The following CADM2 variants were observed in gnomAD, a reference collection of about 807,000 sequenced individuals.
The protein encoded by CADM2 is cell adhesion molecule 2, also known as immunoglobulin superfamily member 4D.
Under a neutral mutation model 49.8 loss-of-function variants are expected in CADM2, and 12 were observed. The observed-to-expected ratio is 0.24, with a 90% CI of 0.15 to 0.39. The LOEUF (loss-of-function observed/expected upper bound fraction) is 0.39. Ranked by LOEUF, CADM2 falls within the 10% of genes least tolerant of loss-of-function variation. The pLI is 1.00. For missense variants in CADM2, 378 were observed against 492.3 expected (o/e 0.77, Z 2.20); for synonymous variants, 214 against 175.4 (o/e 1.22, Z -1.74).
At chr3:85,168,332 G>A (rs1180138251) in intron 1 of CADM2, among the ~76,000 whole-genome samples, 1 of 152,126 alleles carries the variant, frequency 6.6e-6, no homozygotes, top group Non-Finnish European at 1.5e-5. Context: ...TGTGATTACA[G>A]GCATGAGCTA....
intron 1 of CADM2, among the ~76,000 whole-genome samples, chr3:85,354,424 A>G (rs573568062): frequency 6.6e-6 from 1 of 151,440 alleles, no homozygotes; most frequent in South Asian, 2.1e-4. Context: ...TAATGGGTGC[A>G]GCACACCAAC....
chr3:85,749,036 A>G (rs1214859936), intron 2 of CADM2, among the ~76,000 whole-genome samples: 1 of 152,134 alleles, frequency 6.6e-6, no homozygotes, highest in Non-Finnish European at 1.5e-5. Flanking sequence ...TATGATTCAT[A>G]TCTAATGCAG....
intron 2 of CADM2, among the ~76,000 whole-genome samples, chr3:85,761,711 G>A (rs2069390368): frequency 6.6e-6 from 1 of 152,012 alleles, no homozygotes; most frequent in Admixed American, 6.6e-5. Flanking sequence ...CTTTACACTA[G>A]TAATAGGATA....
chr3:85,278,042 T>A (rs940995545), intron 1 of CADM2, among the ~76,000 whole-genome samples: 1 of 151,354 alleles, frequency 6.6e-6, no homozygotes, highest in Admixed American at 6.6e-5. Flanking sequence ...CCATGAAAAT[T>A]GTGTATTTTT....
At chr3:85,571,471 G>T (rs62250496) in intron 1 of CADM2, among the ~76,000 whole-genome samples, 77,770 of 151,536 alleles carry the variant, frequency 0.51, 22,983 homozygotes, top group East Asian at 0.85. Context: ...CTGTGTGTCT[G>T]TGTGCACACG....
intron 1 of CADM2, among the ~76,000 whole-genome samples, chr3:85,518,579 T>C (rs936743996): frequency 6.6e-6 from 1 of 152,176 alleles, no homozygotes; most frequent in East Asian, 1.9e-4. Context: ...TAGTTTCACC[T>C]GGGAAAAATT....
rs1739459618 is a variant in CADM2 at position 86,067,454 on chromosome 3, A to G, written c.*671A>G. 6.6e-6 allele frequency: 1 copy of G among 152,592 alleles called. No individual in the cohort carries two copies. The highest frequency in any genetic ancestry group is 1.5e-5 in the Non-Finnish European group (1 of 67,978). The allele number at this position is 152,592 out of a possible 1,614,324, so 9.5% of individuals were successfully genotyped here. On this transcript the variant is annotated 3_prime_UTR_variant, in exon 10 of 10. Coordinates refer to ENST00000383699, the MANE Select transcript of CADM2 (RefSeq NM_001167675.2). ...TTGCAATCATGACATGGTATTTTCT[A>G]TAATTATAGAGATCTTACTATTAGG...
At chr3:85,899,419 T>C (rs1024605487) in intron 5 of CADM2, among the ~76,000 whole-genome samples, 1 of 152,194 alleles carries the variant, frequency 6.6e-6, no homozygotes, top group Non-Finnish European at 1.5e-5. Flanking sequence ...GTATTTTTAA[T>C]GCCTTTGTTA....
chr3:84,972,021 A>G (rs2031481699), intron 1 of CADM2, among the ~76,000 whole-genome samples: 1 of 152,058 alleles, frequency 6.6e-6, no homozygotes, highest in South Asian at 2.1e-4. Flanking sequence ...TAAAGGGAGG[A>G]GCTATCAATG....
intron 1 of CADM2, among the ~76,000 whole-genome samples, chr3:85,027,085 GGTT>G (rs1236434136): frequency 9.3e-6 from 1 of 107,338 alleles, no homozygotes; most frequent in Non-Finnish European, 2.0e-5. Context: ...TTGTTGTTGT[GGTT>G]GTTGTTGCTT....
intron 2 of CADM2, among the ~76,000 whole-genome samples, chr3:85,751,328 T>A (rs9843797): frequency 0.67 from 102,539 of 152,054 alleles, 35,219 homozygotes; most frequent in African/African-American, 0.8. Context: ...CAGTTTTCAT[T>A]TGTTTTCAGG....
At chr3:85,086,907 C>T (rs1412750802) in intron 1 of CADM2, among the ~76,000 whole-genome samples, 1 of 152,092 alleles carries the variant, frequency 6.6e-6, no homozygotes, top group Non-Finnish European at 1.5e-5. Context: ...GCTTTCATAG[C>T]AATATTTTGT....
At chr3:85,492,455 G>C (rs1271032410) in intron 1 of CADM2, among the ~76,000 whole-genome samples, 1 of 152,044 alleles carries the variant, frequency 6.6e-6, no homozygotes, top group Non-Finnish European at 1.5e-5. Flanking sequence ...CGCCCGGCAT[G>C]ATAGTGCGTG....
At chr3:84,975,549 T>C (rs2031765270) in intron 1 of CADM2, among the ~76,000 whole-genome samples, 1 of 151,936 alleles carries the variant, frequency 6.6e-6, no homozygotes, top group Non-Finnish European at 1.5e-5. Flanking sequence ...AAATACCTCC[T>C]TGTAGAATTG....
intron 1 of CADM2, among the ~76,000 whole-genome samples, chr3:85,457,160 C>A (rs1216052956): frequency 6.6e-6 from 1 of 152,100 alleles, no homozygotes; most frequent in Non-Finnish European, 1.5e-5. Flanking sequence ...CGCCTGTAAT[C>A]CCAGCACTTT....
At chr3:86,062,652 TGG>T (rs1308676911) in intron 8 of CADM2, among the ~76,000 whole-genome samples, 1 of 140,376 alleles carries the variant, frequency 7.1e-6, no homozygotes, top group Non-Finnish European at 1.5e-5. Flanking sequence ...TAATTAGCTA[TGG>T]TAGCGGGGCA....
At chr3:85,477,669 GGTCT>G (rs1320015431) in intron 1 of CADM2, among the ~76,000 whole-genome samples, 5 of 151,746 alleles carry the variant, frequency 3.3e-5, no homozygotes. Context: ...TTTTCTTTGG[GGTCT>G]GTCTGTCTGT....
chr3:85,036,391 ATAACT>A (rs531000930), intron 1 of CADM2, among the ~76,000 whole-genome samples: 73 of 152,326 alleles, frequency 4.8e-4, no homozygotes, highest in Admixed American at 3.2e-3. Context: ...GAGGAAAAAA[ATAACT>A]TAACGACTTA....
At chr3:85,939,752 T>A (rs1721630260) in intron 7 of CADM2, among the ~76,000 whole-genome samples, 1 of 150,360 alleles carries the variant, frequency 6.7e-6, no homozygotes, top group African/African-American at 2.5e-5. Context: ...ATGCTGTACT[T>A]ACTATTTTAC....
Sources: gnomAD v4.1 joint callset for allele counts (sites outside exome capture counted in the v4.1 genomes callset) on GRCh38, gnomAD v4.1.1 for gene constraint, MANE v1.5 for transcripts, NCBI Gene and HGNC (gene_info 2026-07-23, HGNC 2026-07-21) for gene names.